Variants in RAB5B observed in about 807,000 individuals in gnomAD.
The protein encoded by RAB5B is ras-related protein Rab-5B.
A neutral mutation model predicts 28.6 loss-of-function variants in RAB5B; 11 were observed. That is an observed-to-expected ratio of 0.38 (90% CI 0.24 to 0.64). The LOEUF (loss-of-function observed/expected upper bound fraction) is 0.64, where lower values mean the gene tolerates loss of function less well. Among genes scored for constraint, RAB5B ranks in the 30% least tolerant of loss-of-function variants. The pLI, the probability that RAB5B is intolerant of heterozygous loss-of-function variation, is 0.53. For missense variants in RAB5B, 169 were observed against 265.6 expected, an observed-to-expected ratio of 0.64 and a Z score of 2.53; for synonymous variants, 93 against 97.9, an observed-to-expected ratio of 0.95 and a Z score of 0.29.
intron 4 of RAB5B, 140 bp downstream of exon 4, chr12:55,990,944 C>A: frequency 1.8e-6 from 2 of 1,108,644 alleles, no homozygotes; most frequent in Non-Finnish European, 2.6e-6. Flanking sequence ...TTAAATACAG[C>A]AACACTGTGA....
In RAB5B at chr12:55,989,992, A is replaced by G; in HGVS notation, c.209A>G (p.Lys70Arg). 3 of 1,613,786 alleles carry G rather than the reference A, an allele frequency of 1.9e-6. No individual in the cohort carries two copies. The highest frequency in any genetic ancestry group is 2.5e-6 in the Non-Finnish European group (3 of 1,179,694). The change falls in exon 3 of 6, where the codon AAG becomes AGG. Residue 70 changes from lysine (K) to arginine (R), a missense_variant. Physicochemically the swap from Lys to Arg is conservative, Grantham distance 26 (BLOSUM62 2). This residue lies in a region of RAB5B where 43 missense variants were observed against 85.8 expected (regional missense o/e 0.50). Transcript: ENST00000360299. ...GTTTGTCTAGATGACACAACAGTGAAGTTTGAGATCTGGGACACAGCTGGG... is the reference window on the plus strand; with the variant it reads ...GTTTGTCTAGATGACACAACAGTGAGGTTTGAGATCTGGGACACAGCTGGG... Reference protein sequence around the residue: ...QSVCLDDTTVKFEIWDTAGQE... With the variant: ...QSVCLDDTTVRFEIWDTAGQE...
rs540350397 is a variant in RAB5B at position 55,990,264 on chromosome 12, T to C, written c.315+166T>C. On this transcript the variant is annotated intron_variant, in intron 3 of 5. Coordinates refer to ENST00000360299, the MANE Select transcript of RAB5B (RefSeq NM_002868.4). Reference sequence around the variant, plus strand: ...CTCTACTAAAATTACAAAAATTAGTTGGGCGTGGTGGTGCGCGCCTGTAGT... The same window carrying C: ...CTCTACTAAAATTACAAAAATTAGTCGGGCGTGGTGGTGCGCGCCTGTAGT... 230 of 736,614 alleles carry C rather than the reference T, an allele frequency of 3.1e-4. 1 individual carries two copies. The highest frequency in any genetic ancestry group is 2.1e-3 in the Middle Eastern group (5 of 2,358). 45.6% of individuals were successfully genotyped at this position (736,614 alleles called of 1,614,324 possible). A position where few individuals can be genotyped will look rare whatever the true frequency, so the allele number is the denominator to read the frequency against.
chr12:55,975,145 C>A (rs923985976), intron 1 of RAB5B, among the ~76,000 whole-genome samples: 1 of 152,144 alleles, frequency 6.6e-6, no homozygotes, highest in Non-Finnish European at 1.5e-5. Flanking sequence ...GAATCTATTT[C>A]ATATCTATTT....
At position 55,991,459 on chromosome 12, in the gene RAB5B, G is replaced by A. The variant is rs1474032938; in HGVS notation, c.532+6G>A. The A allele has an allele frequency of 1.2e-6, 2 of 1,609,158 alleles. No individual in the cohort carries two copies. The highest frequency in any genetic ancestry group is 1.7e-6 in the Non-Finnish European group (2 of 1,175,514). On this transcript the variant is annotated splice_donor_region_variant and intron_variant, in intron 5 of 5. Coordinates refer to ENST00000360299, the MANE Select transcript of RAB5B (RefSeq NM_002868.4). ...TGATCTCTTCCTGGCAATAGGTAAG[G>A]TCAGAACATCCTGAGGTCCTCCTTT...
At chr12:55,983,681 A>G (rs1307221275) in intron 1 of RAB5B, among the ~76,000 whole-genome samples, 1 of 128,552 alleles carries the variant, frequency 7.8e-6, no homozygotes, top group African/African-American at 3.0e-5. Context: ...TTTTCCAGAG[A>G]TAGCGTCTTG....
chr12:55,992,335 G>GTCAGGAGGCAGC lies in RAB5B; in HGVS notation c.*123_*124insTCAGGAGGCAGC. 2 of 851,138 alleles carry GTCAGGAGGCAGC rather than the reference G, an allele frequency of 2.3e-6. No individual in the cohort carries two copies. Among genetic ancestry groups the GTCAGGAGGCAGC allele is most frequent in the Non-Finnish European group, 3.8e-6 (2 of 525,804 alleles). The allele number at this position is 851,138 out of a possible 1,614,324, so 52.7% of individuals were successfully genotyped here. A position where few individuals can be genotyped will look rare whatever the true frequency, so the allele number is the denominator to read the frequency against. ...CACTGAGCCCTGGCTCCCAAGGGCTGCCTCCTGACAGCTCCGTCATGGCAC... is the reference window on the plus strand; with the variant it reads ...CACTGAGCCCTGGCTCCCAAGGGCTGTCAGGAGGCAGCCCTCCTGACAGCTCCGTCATGGCAC... On this transcript the variant is annotated 3_prime_UTR_variant, in exon 6 of 6. Coordinates refer to ENST00000360299, the MANE Select transcript of RAB5B (RefSeq NM_002868.4).
chr12:55,983,646 T>C (rs1565787066), intron 1 of RAB5B, among the ~76,000 whole-genome samples: 2 of 149,180 alleles, frequency 1.3e-5, no homozygotes, highest in African/African-American at 5.0e-5. Flanking sequence ...ACCCTTTAGT[T>C]ATGTCTCCTT....
chr12:55,991,494 T>G (rs777366226), intron 5 of RAB5B, 41 bp downstream of exon 5: 1 of 1,533,684 alleles, frequency 6.5e-7, no homozygotes, highest in Non-Finnish European at 9.0e-7. Flanking sequence ...TTTCCCTCGT[T>G]TATAGGCAAA....
rs35661047 is a variant in RAB5B, at chr12:55,986,814, C to G, written c.-92-55C>G. On this transcript the variant is annotated intron_variant, in intron 1 of 5. Coordinates refer to ENST00000360299, the MANE Select transcript of RAB5B (RefSeq NM_002868.4). ...AGAGGTTCTATCCTTCTCTGAAAAG[C>G]GATTGCAGCTTCAATGGACGTATGT... 233 of 672,336 alleles carry G rather than the reference C, an allele frequency of 3.5e-4. 1 individual carries two copies. The highest frequency in any genetic ancestry group is 5.8e-4 in the Non-Finnish European group (222 of 380,974). 41.6% of individuals were successfully genotyped at this position (672,336 alleles called of 1,614,324 possible).
At chr12:55,988,935 CTTTTTTTTTT>C (rs35994383) in intron 2 of RAB5B, among the ~76,000 whole-genome samples, 4 of 94,666 alleles carry the variant, frequency 4.2e-5, no homozygotes, top group Non-Finnish European at 6.2e-5. Context: ...CTAATTAATT[CTTTTTTTTTT>C]TTTTTTTTTT....
intron 1 of RAB5B, among the ~76,000 whole-genome samples, chr12:55,986,472 C>T (rs1889954379): frequency 6.6e-6 from 1 of 152,076 alleles, no homozygotes; most frequent in Non-Finnish European, 1.5e-5. Context: ...AAAAGAAGAG[C>T]ACAGCACCAG....
chr12:55,990,947 C>A, intron 4 of RAB5B, 143 bp downstream of exon 4: 1 of 1,070,604 alleles, frequency 9.3e-7, no homozygotes. Flanking sequence ...AATACAGCAA[C>A]ACTGTGACCC....
intron 1 of RAB5B, chr12:55,985,561 C>CT: frequency 2.9e-6 from 1 of 339,192 alleles, no homozygotes; most frequent in South Asian, 2.2e-5. Context: ...ATTAGAATCT[C>CT]AAAGTCCCAA....
Position 55,992,171 on chromosome 12 carries a change from G to C in RAB5B, c.607G>C (p.Glu203Gln), listed in dbSNP as rs968734734. The change falls in exon 6 of 6, where the codon GAA becomes CAA. Residue 203 changes from glutamate (E) to glutamine (Q), a missense_variant. Physicochemically the swap from Glu to Gln is conservative, Grantham distance 29 (BLOSUM62 2). Coordinates refer to ENST00000360299, the MANE Select transcript of RAB5B (RefSeq NM_002868.4). Reference protein sequence around the residue: ...AGRSRGVDLHEQSQQNKSQCC... With the variant: ...AGRSRGVDLHQQSQQNKSQCC... Reference sequence around the variant, plus strand: ...CCGAAGCCGGGGTGTGGATCTCCATGAACAGTCCCAGCAGAACAAGAGCCA... The same window carrying C: ...CCGAAGCCGGGGTGTGGATCTCCATCAACAGTCCCAGCAGAACAAGAGCCA... 1 of 1,613,380 alleles carries C rather than the reference G, an allele frequency of 6.2e-7. No homozygotes were observed. The highest frequency in any genetic ancestry group is 1.3e-5 in the African/African-American group (1 of 74,682).
intron 3 of RAB5B, 143 bp downstream of exon 3, chr12:55,990,241 C>T: frequency 1.1e-6 from 1 of 946,774 alleles, no homozygotes; most frequent in African/African-American, 1.7e-5. Context: ...AACCCCGTCT[C>T]TACTAAAATT....
At position 55,992,312 on chromosome 12, in the gene RAB5B, C is replaced by A; in HGVS notation, c.*100C>A. 1 of 1,056,920 alleles carries A rather than the reference C, an allele frequency of 9.5e-7. No homozygotes were observed. The highest frequency in any genetic ancestry group is 1.4e-6 in the Non-Finnish European group (1 of 706,282). The allele number at this position is 1,056,920 out of a possible 1,614,324, so 65.5% of individuals were successfully genotyped here. On this transcript the variant is annotated 3_prime_UTR_variant, in exon 6 of 6. Coordinates refer to ENST00000360299, the MANE Select transcript of RAB5B (RefSeq NM_002868.4). The stretch of plus-strand genomic sequence containing the variant: ...ACACAACCCCTACGGTAACAGCACA[C>A]TGAGCCCTGGCTCCCAAGGGCTGCC...
In RAB5B at chr12:55,992,045, G is replaced by T. The variant is rs992887625; in HGVS notation, c.533-52G>T. On this transcript the variant is annotated intron_variant, in intron 5 of 5. Transcript: ENST00000360299. ...CGTTTTTGGCGGGTGGAGGCAGAGG[G>T]GTAGGGAAGTAAAGTCTACCATACT... is the stretch of plus-strand genomic sequence containing the variant. The T allele has an allele frequency of 1.8e-5, 25 of 1,417,694 alleles. No homozygotes were observed. In the African/African-American group the frequency reaches 2.8e-4, roughly 16 times the overall value. 87.8% of individuals were successfully genotyped at this position (1,417,694 alleles called of 1,614,324 possible). A position where few individuals can be genotyped will look rare whatever the true frequency, so the allele number is the denominator to read the frequency against.
chr12:55,987,245 C>T, intron 2 of RAB5B, 122 bp downstream of exon 2: 3 of 972,510 alleles, frequency 3.1e-6, no homozygotes, highest in Non-Finnish European at 4.5e-6. Context: ...ACTGCAACCT[C>T]TGTCTCCCAG....
chr12:55,996,003 A>ATATATATATATTTTTTTTTTTTTTT lies in RAB5B; in HGVS notation c.*3792_*3793insATATATATATTTTTTTTTTTTTTTT. 7.2e-5 allele frequency: 7 copies of ATATATATATATTTTTTTTTTTTTTT among 97,398 alleles called. No individual in the cohort carries two copies. The highest frequency in any genetic ancestry group is 3.3e-4 in the African/African-American group (7 of 21,140). 6.0% of individuals were successfully genotyped at this position (97,398 alleles called of 1,614,324 possible). A position where few individuals can be genotyped will look rare whatever the true frequency, so the allele number is the denominator to read the frequency against. ...TATATACATATATATATATATATAT[A>ATATATATATATTTTTTTTTTTTTTT]TTTTTTTTTTAACAACTGGTAGGAT... On this transcript the variant is annotated 3_prime_UTR_variant, in exon 6 of 6. Coordinates refer to ENST00000360299, the MANE Select transcript of RAB5B (RefSeq NM_002868.4).
Sources: gnomAD v4.1 joint callset for allele counts (sites outside exome capture counted in the v4.1 genomes callset) on GRCh38, gnomAD v4.1.1 for gene constraint, gnomAD v4.1.1 regional missense constraint, MANE v1.5 for transcripts, NCBI Gene and HGNC (gene_info 2026-07-23, HGNC 2026-07-21) for gene names.